The following RAD54B variants were observed in gnomAD, a reference collection of about 807,000 sequenced individuals.
RAD54B encodes DNA repair and recombination protein RAD54B.
In RAD54B, 78 loss-of-function variants were observed where a neutral mutation model predicts 95.8. That is an observed-to-expected ratio of 0.81 (90% CI 0.68 to 0.98). The LOEUF (loss-of-function observed/expected upper bound fraction) is 0.98. RAD54B is among the 50% of genes least tolerant of loss of function. The pLI, the probability that RAD54B is intolerant of heterozygous loss-of-function variation, is 0.00. For synonymous variants in RAD54B, 328 were observed against 354.9 expected, an observed-to-expected ratio of 0.92 and a Z score of 0.85; for missense variants, 957 against 1,056.6, an observed-to-expected ratio of 0.91 and a Z score of 1.31.
At chr8:94,436,150 G>A (rs911085478) in intron 3 of RAD54B, among the ~76,000 whole-genome samples, 1 of 151,832 alleles carries the variant, frequency 6.6e-6, no homozygotes, top group Non-Finnish European at 1.5e-5. Flanking sequence ...AATCTTAAAT[G>A]AGAAAAAAAG....
chr8:94,421,908 C>T (rs1811815150), intron 3 of RAD54B, among the ~76,000 whole-genome samples: 1 of 152,206 alleles, frequency 6.6e-6, no homozygotes, highest in Non-Finnish European at 1.5e-5. Context: ...TTATAGTTAT[C>T]TATTTTTAAA....
At chr8:94,454,261 G>A (rs1467362068) in intron 3 of RAD54B, among the ~76,000 whole-genome samples, 1 of 152,152 alleles carries the variant, frequency 6.6e-6, no homozygotes, top group Non-Finnish European at 1.5e-5. Flanking sequence ...GGTTGCCAGG[G>A]GCTGGAAAGA....
At chr8:94,374,044 C>T (rs753218088) in intron 14 of RAD54B, among the ~76,000 whole-genome samples, 50 of 152,104 alleles carry the variant, frequency 3.3e-4, no homozygotes, top group Non-Finnish European at 6.0e-4. Flanking sequence ...CTTCGGGAGG[C>T]CAAGGCGGGC....
chr8:94,394,916 TG>T (rs1265513631), intron 8 of RAD54B, among the ~76,000 whole-genome samples: 1 of 152,228 alleles, frequency 6.6e-6, no homozygotes, highest in African/African-American at 2.4e-5. Context: ...ACCCCCAGGT[TG>T]GACCAGCAAT....
At chr8:94,384,831 T>C (rs1810830908) in intron 11 of RAD54B, among the ~76,000 whole-genome samples, 1 of 152,164 alleles carries the variant, frequency 6.6e-6, no homozygotes, top group Non-Finnish European at 1.5e-5. Flanking sequence ...AGGAGTCAAA[T>C]GACCATCACA....
chr8:94,462,891 C>T (rs1164602945), intron 2 of RAD54B, among the ~76,000 whole-genome samples: 1 of 152,000 alleles, frequency 6.6e-6, no homozygotes, highest in Non-Finnish European at 1.5e-5. Context: ...AAAAACAAAT[C>T]TTGGCCAGGC....
chr8:94,436,128 C>T (rs80352287), intron 3 of RAD54B, among the ~76,000 whole-genome samples: 3 of 151,886 alleles, frequency 2.0e-5, no homozygotes, highest in African/African-American at 7.2e-5. Context: ...ATTGAAAATT[C>T]CAGTGAAATG....
At chr8:94,472,958 A>ACTATGGAGCCAGCCAGGCTGC (rs1355238730) in intron 1 of RAD54B, among the ~76,000 whole-genome samples, 1 of 151,978 alleles carries the variant, frequency 6.6e-6, no homozygotes, top group Non-Finnish European at 1.5e-5. Context: ...AAACAGACTG[A>ACTATGGAGCCAGCCAGGCTGC]CTCTGGAGCC....
At chr8:94,418,099 G>A (rs992750064) in intron 3 of RAD54B, among the ~76,000 whole-genome samples, 1 of 152,092 alleles carries the variant, frequency 6.6e-6, no homozygotes, top group African/African-American at 2.4e-5. Flanking sequence ...ACTTTTTTGG[G>A]GGAAATGTGC....
intron 3 of RAD54B, among the ~76,000 whole-genome samples, chr8:94,441,198 T>C (rs1366504656): frequency 1.3e-5 from 2 of 152,168 alleles, no homozygotes; most frequent in Non-Finnish European, 2.9e-5. Flanking sequence ...ACAGAAATTG[T>C]GCACTCAGGG....
intron 3 of RAD54B, among the ~76,000 whole-genome samples, chr8:94,452,428 A>C (rs1409133775): frequency 6.6e-6 from 1 of 152,246 alleles, no homozygotes; most frequent in Non-Finnish European, 1.5e-5. Context: ...ACTAGTACTG[A>C]AACATTACAC....
At chr8:94,401,178 C>A (rs1811258236) in intron 6 of RAD54B, among the ~76,000 whole-genome samples, 1 of 151,996 alleles carries the variant, frequency 6.6e-6, no homozygotes, top group African/African-American at 2.4e-5. Flanking sequence ...ATACAGTTGA[C>A]CACTGAACAA....
chr8:94,448,341 G>A (rs1812570153), intron 3 of RAD54B, among the ~76,000 whole-genome samples: 1 of 152,140 alleles, frequency 6.6e-6, no homozygotes, highest in Admixed American at 6.5e-5. Context: ...ATGTTGGCAA[G>A]GGTGTGGAGA....
chr8:94,407,074 G>A (rs144211857), intron 5 of RAD54B, among the ~76,000 whole-genome samples: 24 of 152,184 alleles, frequency 1.6e-4, no homozygotes, highest in African/African-American at 5.8e-4. Flanking sequence ...CCTCAAATTA[G>A]AAGTATAATC....
intron 6 of RAD54B, among the ~76,000 whole-genome samples, chr8:94,403,262 C>T (rs772866698): frequency 6.6e-6 from 1 of 152,140 alleles, no homozygotes; most frequent in Non-Finnish European, 1.5e-5. Context: ...TTTTTTTCTC[C>T]TGTTTTTTTG....
At chr8:94,377,699 G>A (rs1164770382) in intron 14 of RAD54B, among the ~76,000 whole-genome samples, 1 of 151,610 alleles carries the variant, frequency 6.6e-6, no homozygotes, top group East Asian at 1.9e-4. Flanking sequence ...CTACTGGGCC[G>A]GGCGCGGTGG....
intron 5 of RAD54B, among the ~76,000 whole-genome samples, chr8:94,404,794 C>T (rs1422750891): frequency 1.3e-5 from 2 of 152,118 alleles, no homozygotes; most frequent in Non-Finnish European, 2.9e-5. Flanking sequence ...TTAATTACTA[C>T]ATTCATGAAT....
chr8:94,452,487 T>C (rs1244801673), intron 3 of RAD54B, among the ~76,000 whole-genome samples: 2 of 151,948 alleles, frequency 1.3e-5, no homozygotes, highest in Non-Finnish European at 2.9e-5. Flanking sequence ...AAGTTTTTTA[T>C]ACTATCCTTA....
At chr8:94,383,070 G>GT (rs1563635889) in intron 11 of RAD54B, among the ~76,000 whole-genome samples, 1 of 152,124 alleles carries the variant, frequency 6.6e-6, no homozygotes, top group Non-Finnish European at 1.5e-5. Flanking sequence ...GCCAAGGGGG[G>GT]TGGGTCACCT....
Sources: gnomAD v4.1 joint callset for allele counts (sites outside exome capture counted in the v4.1 genomes callset) on GRCh38, gnomAD v4.1.1 for gene constraint, MANE v1.5 for transcripts, NCBI Gene and HGNC (gene_info 2026-07-23, HGNC 2026-07-21) for gene names.